PTPRT: variants seen among roughly 807,000 people sequenced by gnomAD.
The protein encoded by PTPRT is receptor-type tyrosine-protein phosphatase T.
PTPRT carries 56 observed loss-of-function variants against 176.8 expected under a neutral mutation model. The ratio of observed to expected loss-of-function variants is 0.32; its 90% CI spans 0.26 to 0.40. The LOEUF (loss-of-function observed/expected upper bound fraction) is 0.40, where lower values mean the gene tolerates loss of function less well. Ranked by LOEUF, PTPRT falls within the 10% of genes least tolerant of loss-of-function variation. PTPRT has a pLI of 1.00. For missense variants in PTPRT, 1,540 were observed against 1,908.2 expected (o/e 0.81, Z 3.60); for synonymous variants, 783 against 739.0 (o/e 1.06, Z -0.96).
chr20:42,923,850 T>G (rs1017261676), intron 1 of PTPRT, among the ~76,000 whole-genome samples: 1 of 152,022 alleles, frequency 6.6e-6, no homozygotes, highest in Non-Finnish European at 1.5e-5. Context: ...CTTTTCTTTT[T>G]TTTTTCCTTA....
chr20:43,108,647 A>C (rs952385288), intron 1 of PTPRT, among the ~76,000 whole-genome samples: 14 of 152,062 alleles, frequency 9.2e-5, no homozygotes, highest in African/African-American at 2.9e-4. Context: ...ATTTTCTTAT[A>C]AGGACCTCTT....
At position 42,828,097 on chromosome 20, in the gene PTPRT, GA is replaced by G. The variant is rs537175062; in HGVS notation, c.215-36632del. Among the ~76,000 whole-genome samples, 345 of 152,318 alleles carry G rather than the reference GA, an allele frequency of 2.3e-3. 3 individuals carry two copies. The highest frequency in any genetic ancestry group is 8.1e-3 in the African/African-American group (335 of 41,570). ...TTTAGAAGATGACAGGAAAATCTGG[GA>G]AAGTGCAGAATATCCTAGAGACTTG... On this transcript the variant is annotated intron_variant, in intron 2 of 30. Coordinates refer to ENST00000373187, the MANE Select transcript of PTPRT (RefSeq NM_007050.6).
chr20:42,963,838 T>C (rs1982144249), intron 1 of PTPRT, among the ~76,000 whole-genome samples: 1 of 152,190 alleles, frequency 6.6e-6, no homozygotes, highest in South Asian at 2.1e-4. Flanking sequence ...CAGCTAAACG[T>C]ATCCAAGAGT....
At chr20:43,186,122 C>T (rs1255613608) in intron 1 of PTPRT, among the ~76,000 whole-genome samples, 1 of 152,200 alleles carries the variant, frequency 6.6e-6, no homozygotes, top group African/African-American at 2.4e-5. Flanking sequence ...ATTCACTCTG[C>T]ATATTGCATC....
intron 1 of PTPRT, among the ~76,000 whole-genome samples, chr20:43,008,013 T>C (rs78950974): frequency 0.018 from 2,801 of 152,302 alleles, 34 homozygotes; most frequent in Non-Finnish European, 0.027. Context: ...TAGTAAATTA[T>C]TCTTCCTGAG....
intron 6 of PTPRT, among the ~76,000 whole-genome samples, chr20:42,742,546 GAA>G (rs1204376499): frequency 6.6e-6 from 1 of 152,130 alleles, no homozygotes; most frequent in Non-Finnish European, 1.5e-5. Context: ...AGCAGGAGGG[GAA>G]AAAGAGAGGG....
intron 8 of PTPRT, among the ~76,000 whole-genome samples, chr20:42,448,783 T>TG (rs2070775655): frequency 1.3e-5 from 2 of 151,980 alleles, no homozygotes; most frequent in South Asian, 4.2e-4. Flanking sequence ...TTGGCTTCCC[T>TG]GGGCCACATT....
intron 15 of PTPRT, among the ~76,000 whole-genome samples, chr20:42,203,000 G>T (rs2146693148): frequency 1.3e-5 from 2 of 152,178 alleles, no homozygotes; most frequent in East Asian, 1.9e-4. Flanking sequence ...TTAAAAATTG[G>T]AAAGCTAACT....
chr20:42,588,308 G>A lies in PTPRT; in HGVS notation c.1153+89558C>T, dbSNP rs146047199. Among the ~76,000 whole-genome samples the A allele has an allele frequency of 6.3e-3, 958 of 152,270 alleles. 11 individuals carry two copies. Among genetic ancestry groups the A allele is most frequent in the African/African-American group, 0.022 (918 of 41,566 alleles). On this transcript the variant is annotated intron_variant, in intron 7 of 30. Transcript: ENST00000373187. ...AAAATACAAAAATTAGCCAGGCGTG[G>A]TGGTGCACGCCAGTAATCCCAGCTA...
intron 12 of PTPRT, among the ~76,000 whole-genome samples, chr20:42,284,757 T>C (rs980018987): frequency 6.6e-6 from 1 of 151,908 alleles, no homozygotes; most frequent in Non-Finnish European, 1.5e-5. Context: ...TCGGAACAAG[T>C]GTTTTCTTCT....
intron 6 of PTPRT, chr20:42,688,373 C>G (rs2075735041): frequency 6.6e-6 from 1 of 152,312 alleles, no homozygotes; most frequent in African/African-American, 2.4e-5. Flanking sequence ...GTCTCAGAAT[C>G]AGCCCTGCTG....
chr20:42,057,245 G>A, the PTPRT span, among the ~76,000 whole-genome samples: 1 of 152,172 alleles, frequency 6.6e-6, no homozygotes, highest in South Asian at 2.1e-4. Flanking sequence ...GAAAGAAGGA[G>A]GGGAGTGGGA....
intron 11 of PTPRT, among the ~76,000 whole-genome samples, chr20:42,318,429 A>T (rs1165495557): frequency 2.0e-5 from 3 of 152,212 alleles, no homozygotes; most frequent in African/African-American, 7.2e-5. Flanking sequence ...TCTGGCTTGA[A>T]TGCTAATAGT....
chr20:42,823,543 T>TA (rs890483706), intron 2 of PTPRT, among the ~76,000 whole-genome samples: 4 of 151,048 alleles, frequency 2.6e-5, no homozygotes, highest in Admixed American at 2.0e-4. Flanking sequence ...AAAATGAAAT[T>TA]AAAAAAAAAG....
chr20:42,115,328 GAGAGACAGAGAC>G lies in PTPRT; in HGVS notation c.2983-25_2983-14del, dbSNP rs751989473. On this transcript the variant is annotated splice_polypyrimidine_tract_variant and intron_variant, in intron 21 of 30. Transcript: ENST00000373187. ...GCACACATTTCACCTGTGGCCAAGT[GAGAGACAGAGAC>G]AGAGACAGAACAGAGACAAGGATGC... 2 of 1,583,592 alleles carry G rather than the reference GAGAGACAGAGAC, an allele frequency of 1.3e-6. No individual in the cohort carries two copies. Among genetic ancestry groups the G allele is most frequent in the Non-Finnish European group, 1.7e-6 (2 of 1,152,340 alleles).
chr20:42,274,258 G>T (rs2056987424), intron 13 of PTPRT, among the ~76,000 whole-genome samples: 1 of 152,184 alleles, frequency 6.6e-6, no homozygotes, highest in Non-Finnish European at 1.5e-5. Context: ...ACATATTTAA[G>T]ATCCAAGTTG....
Position 42,896,987 on chromosome 20 carries a change from C to T in PTPRT, c.89-11055G>A, listed in dbSNP as rs146390869. Among the ~76,000 whole-genome samples, 658 of 151,948 alleles carry T rather than the reference C, an allele frequency of 4.3e-3. 6 individuals carry two copies. Among genetic ancestry groups the T allele is most frequent in the African/African-American group, 0.015 (609 of 41,438 alleles). On this transcript the variant is annotated intron_variant, in intron 1 of 30. Coordinates refer to ENST00000373187, the MANE Select transcript of PTPRT (RefSeq NM_007050.6). ...TAATTGAATTTGGAGAAGTGTGTGC[C>T]GGGGGGGTGTTTAAATAAGTGCACA...
At chr20:42,343,467 G>T (rs557752731) in intron 11 of PTPRT, among the ~76,000 whole-genome samples, 2 of 152,304 alleles carry the variant, frequency 1.3e-5, no homozygotes, top group East Asian at 3.9e-4. Flanking sequence ...ATCGTCATAA[G>T]TACTCTAGTG....
chr20:42,999,615 T>TGTTG (rs35015314), intron 1 of PTPRT, among the ~76,000 whole-genome samples: 12,730 of 150,380 alleles, frequency 0.085, 709 homozygotes, highest in Non-Finnish European at 0.12. Context: ...TGGTTTTTTT[T>TGTTG]TTGTTGTTGT....
Sources: gnomAD v4.1 joint callset for allele counts (sites outside exome capture counted in the v4.1 genomes callset) on GRCh38, gnomAD v4.1.1 for gene constraint, MANE v1.5 for transcripts, NCBI Gene and HGNC (gene_info 2026-07-23, HGNC 2026-07-21) for gene names.